Variants in P3H2 observed in about 807,000 individuals in gnomAD.
P3H2 encodes the protein prolyl 3-hydroxylase 2.
In P3H2, 80 loss-of-function variants were observed where a neutral mutation model predicts 87.0. The observed-to-expected ratio is 0.92, with a 90% CI of 0.77 to 1.11. The LOEUF is 1.11. P3H2 is among the 50% of genes least tolerant of loss of function. The pLI is 0.00. For missense variants in P3H2, 1,001 were observed against 923.9 expected, an observed-to-expected ratio of 1.08 and a Z score of -1.08; for synonymous variants, 367 against 359.3, an observed-to-expected ratio of 1.02 and a Z score of -0.24.
intron 8 of P3H2, among the ~76,000 whole-genome samples, chr3:189,980,611 G>A (rs545429505): frequency 6.6e-6 from 1 of 151,982 alleles, no homozygotes; most frequent in African/African-American, 2.4e-5. Flanking sequence ...TGGAAACTTT[G>A]TATCTATCTA....
intron 4 of P3H2, among the ~76,000 whole-genome samples, chr3:189,988,451 T>C (rs1723774204): frequency 6.6e-6 from 1 of 152,062 alleles, no homozygotes; most frequent in African/African-American, 2.4e-5. Flanking sequence ...CACACACATA[T>C]ATATATACTC....
chr3:190,045,730 T>A (rs1725777646), intron 1 of P3H2, among the ~76,000 whole-genome samples: 1 of 151,802 alleles, frequency 6.6e-6, no homozygotes, highest in Admixed American at 6.6e-5. Context: ...TGAAAGCCCT[T>A]AAGAATAGAA....
chr3:190,113,290 T>G (rs1258096716), intron 1 of P3H2, among the ~76,000 whole-genome samples: 1 of 151,126 alleles, frequency 6.6e-6, no homozygotes, highest in East Asian at 1.9e-4. Flanking sequence ...CATCATCTGT[T>G]AAGTGACAGG....
chr3:190,025,552 C>A (rs571794116), intron 1 of P3H2, among the ~76,000 whole-genome samples: 1 of 152,038 alleles, frequency 6.6e-6, no homozygotes, highest in African/African-American at 2.4e-5. Context: ...GGTTATGATG[C>A]GGATAATGTA....
intron 1 of P3H2, among the ~76,000 whole-genome samples, chr3:190,095,845 G>A (rs895523139): frequency 2.0e-5 from 3 of 151,828 alleles, no homozygotes; most frequent in African/African-American, 7.3e-5. Context: ...CTCGTGATTC[G>A]CCCACCTCGG....
At chr3:190,115,752 C>G (rs1712265005) in intron 1 of P3H2, among the ~76,000 whole-genome samples, 1 of 152,168 alleles carries the variant, frequency 6.6e-6, no homozygotes, top group African/African-American at 2.4e-5. Flanking sequence ...AACCTCCTGC[C>G]ACCATGCAGA....
At chr3:190,089,085 C>T (rs1473939769) in intron 1 of P3H2, among the ~76,000 whole-genome samples, 3 of 152,166 alleles carry the variant, frequency 2.0e-5, no homozygotes, top group Non-Finnish European at 2.9e-5. Context: ...AGCCCTTTAT[C>T]TTATCTCCTA....
intron 1 of P3H2, among the ~76,000 whole-genome samples, chr3:190,052,254 C>A (rs866434988): frequency 1.3e-5 from 2 of 151,966 alleles, no homozygotes; most frequent in African/African-American, 4.8e-5. Flanking sequence ...CCCTCACCCC[C>A]CGACAAGCCC....
intron 13 of P3H2, chr3:189,969,226 C>T (rs1723097428): frequency 1.3e-6 from 1 of 750,036 alleles, no homozygotes; most frequent in Non-Finnish European, 2.5e-6. Flanking sequence ...CATGGCAATA[C>T]TCGCATAACA....
chr3:189,966,019 A>C (rs1722964802), intron 13 of P3H2, among the ~76,000 whole-genome samples: 1 of 149,824 alleles, frequency 6.7e-6, no homozygotes, highest in South Asian at 2.1e-4. Context: ...GAGAGAAAGA[A>C]AGAAAAAGAG....
In P3H2 at chr3:190,120,299, A is replaced by T; in HGVS notation, c.433T>A (p.Phe145Ile). Residue 145 changes from phenylalanine to isoleucine, a missense_variant, in exon 1 of 15, where the codon TTC becomes ATC. Transcript: ENST00000319332. ...HRVSEDVRSD[F>I]QRRVPYNYLQ... is the part of the protein sequence containing the mutation. ...TAGTTGTAGGGCACTCTGCGCTGGA[A>T]GTCGCTGCGCACATCCTCGCTGACG... 6.2e-7 allele frequency: 1 copy of T among 1,609,930 alleles called. No individual in the cohort carries two copies. The highest frequency in any genetic ancestry group is 8.5e-7 in the Non-Finnish European group (1 of 1,179,062).
intron 8 of P3H2, among the ~76,000 whole-genome samples, chr3:189,981,938 C>G (rs1723548534): frequency 1.3e-5 from 2 of 152,068 alleles, no homozygotes; most frequent in African/African-American, 4.8e-5. Flanking sequence ...TCAAAACTGA[C>G]TTGGAAGCTA....
intron 1 of P3H2, among the ~76,000 whole-genome samples, chr3:190,045,580 TAACTA>T (rs1448894567): frequency 6.6e-6 from 1 of 152,134 alleles, no homozygotes; most frequent in Non-Finnish European, 1.5e-5. Context: ...TGTGTCAACT[TAACTA>T]GACTACAGTC....
chr3:190,031,237 A>T (rs1201084268), intron 1 of P3H2, among the ~76,000 whole-genome samples: 1 of 152,232 alleles, frequency 6.6e-6, no homozygotes, highest in Non-Finnish European at 1.5e-5. Context: ...GGAAGATATA[A>T]CCAAAAAATG....
intron 2 of P3H2, among the ~76,000 whole-genome samples, chr3:189,994,764 A>G (rs1177896494): frequency 6.6e-6 from 1 of 151,928 alleles, no homozygotes; most frequent in East Asian, 1.9e-4. Flanking sequence ...ATTAAAAAAA[A>G]AAAAGGCTTT....
chr3:190,120,468 G>C lies in P3H2; in HGVS notation c.264C>G (p.Cys88Trp). 1.4e-6 allele frequency: 2 copies of C among 1,421,764 alleles called. No individual in the cohort carries two copies. The highest frequency in any genetic ancestry group is 1.8e-6 in the Non-Finnish European group (2 of 1,098,370). The allele number at this position is 1,421,764 out of a possible 1,614,324, so 88.1% of individuals were successfully genotyped here. A position where few individuals can be genotyped will look rare whatever the true frequency, so the allele number is the denominator to read the frequency against. Residue 88 changes from cysteine to tryptophan, a missense_variant, in exon 1 of 15, where the codon TGC becomes TGG. Physicochemically the swap from Cys to Trp is radical, Grantham distance 215 (BLOSUM62 -2). Transcript: ENST00000319332. The stretch of plus-strand genomic sequence containing the variant: ...GGGGCGGGAGCGGGTGGCGCGCCGC[G>C]CAGTGGCGGGCACAGCGCGTGCGGA... ...REIRTRCARH[C>W]AARHPLPPPP...
In P3H2 at chr3:189,985,522, CAT is replaced by C. The variant is rs532756900; in HGVS notation, c.1189-934_1189-933del. Among the ~76,000 whole-genome samples the C allele has an allele frequency of 3.0e-4, 46 of 151,216 alleles. No individual in the cohort carries two copies. The South Asian group carries it at 6.9e-3, about 23-fold the overall frequency. ...TTAGAGTAGTCACTAAATCTTCCCA[CAT>C]GAGATAGTGTTAGTATTAAAATAGT... On this transcript the variant is annotated intron_variant, in intron 6 of 14. Transcript: ENST00000319332.
chr3:190,028,245 G>A (rs1725143879), intron 1 of P3H2, among the ~76,000 whole-genome samples: 1 of 152,116 alleles, frequency 6.6e-6, no homozygotes, highest in African/African-American at 2.4e-5. Context: ...CTTAGCAAGA[G>A]AAATAGCAAA....
At chr3:190,052,920 A>G (rs891953649) in intron 1 of P3H2, among the ~76,000 whole-genome samples, 6 of 152,186 alleles carry the variant, frequency 3.9e-5, no homozygotes, top group East Asian at 1.9e-4. Context: ...TCCTTAGTCC[A>G]TACTGAGGCA....
Sources: gnomAD v4.1 joint callset for allele counts (sites outside exome capture counted in the v4.1 genomes callset) on GRCh38, gnomAD v4.1.1 for gene constraint, MANE v1.5 for transcripts, NCBI Gene and HGNC (gene_info 2026-07-23, HGNC 2026-07-21) for gene names.